The following ATF7 variants were observed in gnomAD, a reference collection of about 807,000 sequenced individuals.
ATF7 encodes the protein activating transcription factor 7.
ATF7 carries 10 observed loss-of-function variants against 50.4 expected under a neutral mutation model. That is an observed-to-expected ratio of 0.20 (90% CI 0.12 to 0.34). The LOEUF is 0.34. Ranked by LOEUF, ATF7 falls within the 10% of genes least tolerant of loss-of-function variation. The probability of loss-of-function intolerance (pLI) is 1.00; values close to 1 mark genes in which losing one functional copy is unlikely to be tolerated. For synonymous variants in ATF7, 201 were observed against 226.4 expected, an observed-to-expected ratio of 0.89 and a Z score of 1.01; for missense variants, 465 against 613.9, an observed-to-expected ratio of 0.76 and a Z score of 2.56.
chr12:53,582,880 G>C (rs538589169), intron 2 of ATF7, among the ~76,000 whole-genome samples: 1 of 152,246 alleles, frequency 6.6e-6, no homozygotes, highest in African/African-American at 2.4e-5. Context: ...CACCGCACCT[G>C]GCCATCAATT....
intron 2 of ATF7, among the ~76,000 whole-genome samples, chr12:53,590,130 C>T (rs180856934): frequency 6.6e-6 from 1 of 152,104 alleles, no homozygotes; most frequent in Non-Finnish European, 1.5e-5. Flanking sequence ...TCCTCATAAA[C>T]TTCAATATCT....
intron 2 of ATF7, among the ~76,000 whole-genome samples, chr12:53,573,960 C>T (rs1255271926): frequency 6.6e-6 from 1 of 152,190 alleles, no homozygotes; most frequent in African/African-American, 2.4e-5. Flanking sequence ...TAGAACACTT[C>T]CAGTTCCCCT....
At chr12:53,580,311 A>T (rs376889559) in intron 2 of ATF7, among the ~76,000 whole-genome samples, 11 of 151,844 alleles carry the variant, frequency 7.2e-5, no homozygotes, top group African/African-American at 2.4e-4. Flanking sequence ...AAAAAACAAG[A>T]CCTAACTGTA....
intron 1 of ATF7, among the ~76,000 whole-genome samples, chr12:53,613,704 A>G (rs1372471513): frequency 6.6e-6 from 1 of 151,770 alleles, no homozygotes; most frequent in Non-Finnish European, 1.5e-5. Context: ...AAATTTTTGT[A>G]AAGACAAGGT....
At chr12:53,591,720 G>A (rs1592945439) in intron 2 of ATF7, among the ~76,000 whole-genome samples, 1 of 152,208 alleles carries the variant, frequency 6.6e-6, no homozygotes, top group Non-Finnish European at 1.5e-5. Flanking sequence ...GAAAGGAGGT[G>A]TTCCTTTTGC....
At chr12:53,520,734 AC>A (rs1938070397) in intron 11 of ATF7, among the ~76,000 whole-genome samples, 1 of 152,034 alleles carries the variant, frequency 6.6e-6, no homozygotes, top group Non-Finnish European at 1.5e-5. Flanking sequence ...CCTACACTTT[AC>A]CCTATCTCAA....
At chr12:53,578,367 C>CAA (rs56914905) in intron 2 of ATF7, among the ~76,000 whole-genome samples, 1,097 of 107,634 alleles carry the variant, frequency 0.01, 26 homozygotes, top group Middle Eastern at 0.016. Context: ...GATCTTCTCT[C>CAA]AAAAAAAAAA....
intron 1 of ATF7, among the ~76,000 whole-genome samples, chr12:53,604,981 T>G (rs1019627388): frequency 6.6e-6 from 1 of 152,166 alleles, no homozygotes; most frequent in Non-Finnish European, 1.5e-5. Context: ...GTTCAATTAG[T>G]CAGAGGTTGA....
In ATF7 at chr12:53,529,664, CAT is replaced by C. The variant is rs1381214741; in HGVS notation, c.927+2078_927+2079del. On this transcript the variant is annotated intron_variant, in intron 9 of 11. Coordinates refer to ENST00000420353, the MANE Select transcript of ATF7 (RefSeq NM_006856.3). ...TAATATATATATATATACACACACA[CAT>C]ATATATATACACACATATATATAAA... 1.3e-3 allele frequency among the ~76,000 whole-genome samples: 195 copies of C among 146,480 alleles called. 2 individuals are homozygous for C. In the East Asian group the frequency reaches 0.026, roughly 20 times the overall value.
intron 11 of ATF7, among the ~76,000 whole-genome samples, chr12:53,520,450 C>A (rs959091316): frequency 2.0e-5 from 3 of 152,084 alleles, no homozygotes; most frequent in Non-Finnish European, 2.9e-5. Context: ...TGGTGGTGCA[C>A]GCCTGTGGTC....
intron 11 of ATF7, among the ~76,000 whole-genome samples, chr12:53,517,929 A>G (rs1592765616): frequency 1.3e-5 from 2 of 152,090 alleles, no homozygotes; most frequent in African/African-American, 2.4e-5. Flanking sequence ...CAGTGGTGCA[A>G]TCTCAGCTCA....
intron 2 of ATF7, among the ~76,000 whole-genome samples, chr12:53,557,391 AG>A (rs1940818971): frequency 6.6e-6 from 1 of 151,364 alleles, no homozygotes; most frequent in South Asian, 2.1e-4. Context: ...TTGTAGAGAC[AG>A]GGTTTCACCA....
intron 2 of ATF7, among the ~76,000 whole-genome samples, chr12:53,581,585 T>C (rs1020799203): frequency 1.3e-5 from 2 of 152,016 alleles, no homozygotes; most frequent in Admixed American, 1.3e-4. Context: ...TACTTCTAAA[T>C]AATACATGAA....
In ATF7 at chr12:53,532,586, C is replaced by A. The variant is rs1250372470; in HGVS notation, c.698G>T (p.Gly233Val). Residue 233 changes from glycine to valine, a missense_variant, in exon 8 of 12, where the codon GGT becomes GTT. By Grantham distance (109) the Gly-to-Val change is moderately radical. Transcript: ENST00000420353. ...ACTGTTAACTGGTGGGCCAGGGATA[C>A]CAGGAATGTTGGGCACCATGGACAC... ...RPVSMVPNIP[G>V]IPGPPVNSSG... The A allele has an allele frequency of 3.1e-6, 5 of 1,608,710 alleles. No individual in the cohort carries two copies. The highest frequency in any genetic ancestry group is 1.7e-5 in the Admixed American group (1 of 59,166).
In ATF7 at chr12:53,512,391, G is replaced by A. The variant is rs775716780; in HGVS notation, c.*4746C>T. The A allele has an allele frequency of 1.3e-5, 2 of 152,232 alleles. No individual in the cohort carries two copies. Among genetic ancestry groups the A allele is most frequent in the South Asian group, 4.1e-4 (2 of 4,824 alleles). The allele number at this position is 152,232 out of a possible 1,614,324, so 9.4% of individuals were successfully genotyped here. On this transcript the variant is annotated 3_prime_UTR_variant, in exon 12 of 12. Coordinates refer to ENST00000420353, the MANE Select transcript of ATF7 (RefSeq NM_006856.3). ...GCACTGGGGAGACCCAGACCGAGTTGAGTTCCTTGATAAGATGGAGAGGTG... is the reference window on the plus strand; with the variant it reads ...GCACTGGGGAGACCCAGACCGAGTTAAGTTCCTTGATAAGATGGAGAGGTG...
chr12:53,579,025 C>T (rs555586128), intron 2 of ATF7, among the ~76,000 whole-genome samples: 1 of 152,022 alleles, frequency 6.6e-6, no homozygotes, highest in South Asian at 2.1e-4. Flanking sequence ...GGCAGATCAC[C>T]TGAGGTCAGG....
At chr12:53,600,883 T>G in intron 2 of ATF7, 70 bp downstream of exon 2, 1 of 1,479,344 alleles carries the variant, frequency 6.8e-7, no homozygotes. Flanking sequence ...TTAAACTCTT[T>G]GCCTTAGTGA....
chr12:53,542,382 G>A (rs1013506014), intron 4 of ATF7, among the ~76,000 whole-genome samples: 12 of 151,332 alleles, frequency 7.9e-5, no homozygotes, highest in Non-Finnish European at 1.3e-4. Flanking sequence ...AGCTGAGATC[G>A]TGCCACTGCA....
chr12:53,614,681 T>C (rs1944040075), intron 1 of ATF7, among the ~76,000 whole-genome samples: 1 of 152,230 alleles, frequency 6.6e-6, no homozygotes. Context: ...AGTGATCTAT[T>C]TGGGGTTATT....
Sources: gnomAD v4.1 joint callset for allele counts (sites outside exome capture counted in the v4.1 genomes callset) on GRCh38, gnomAD v4.1.1 for gene constraint, MANE v1.5 for transcripts, NCBI Gene and HGNC (gene_info 2026-07-23, HGNC 2026-07-21) for gene names.